CDS2: variants seen among roughly 807,000 people sequenced by gnomAD.
CDS2 encodes CDP-diacylglycerol synthase 2.
A neutral mutation model predicts 59.0 loss-of-function variants in CDS2; 47 were observed. That is an observed-to-expected ratio of 0.80 (90% CI 0.63 to 1.02). CDS2 has a LOEUF of 1.02. CDS2 is among the 50% of genes least tolerant of loss of function. CDS2 has a pLI of 0.00. For synonymous variants in CDS2, 207 were observed against 206.4 expected, an observed-to-expected ratio of 1.00 and a Z score of -0.02; for missense variants, 356 against 558.9, an observed-to-expected ratio of 0.64 and a Z score of 3.66.
chr20:5,189,979 G>A (rs2091100597), intron 12 of CDS2, 123 bp from the exon 13 acceptor site: 8 of 1,401,586 alleles, frequency 5.7e-6, no homozygotes, highest in Non-Finnish European at 6.9e-6. Context: ...GATTTTCTGA[G>A]GCCTCCTGTC....
chr20:5,149,844 T>A (rs558246140), intron 1 of CDS2, among the ~76,000 whole-genome samples: 4 of 152,068 alleles, frequency 2.6e-5, no homozygotes, highest in Non-Finnish European at 5.9e-5. Context: ...GCCTCCTGAG[T>A]AGCTGGGATT....
intron 1 of CDS2, among the ~76,000 whole-genome samples, chr20:5,146,555 A>G (rs570742783): frequency 6.6e-6 from 1 of 152,336 alleles, no homozygotes; most frequent in African/African-American, 2.4e-5. Flanking sequence ...CTTAGGTAAT[A>G]GGACCTAAGT....
intron 3 of CDS2, 97 bp downstream of exon 3, chr20:5,175,376 A>G (rs758440488): frequency 2.8e-5 from 26 of 938,638 alleles, no homozygotes; most frequent in Non-Finnish European, 4.3e-5. Flanking sequence ...GTGGGAATTG[A>G]CGGGGGTCCA....
chr20:5,131,126 TTGAA>T (rs1295921259), intron 1 of CDS2, among the ~76,000 whole-genome samples: 3 of 151,414 alleles, frequency 2.0e-5, no homozygotes. Flanking sequence ...TGGAGTAAAC[TTGAA>T]AGATTCCTCA....
chr20:5,183,744 G>A (rs975423396), intron 7 of CDS2, among the ~76,000 whole-genome samples: 19 of 152,204 alleles, frequency 1.2e-4, no homozygotes, highest in Non-Finnish European at 2.9e-5. Flanking sequence ...ATAGAATCTG[G>A]CAGTGTGTCA....
At position 5,189,623 on chromosome 20, in the gene CDS2, C is replaced by T. The variant is rs1269787734; in HGVS notation, c.1102-112C>T. 10 of 722,708 alleles carry T rather than the reference C, an allele frequency of 1.4e-5. No homozygotes were observed. In the Admixed American group the frequency reaches 1.9e-4, roughly 13 times the overall value. 44.8% of individuals were successfully genotyped at this position (722,708 alleles called of 1,614,324 possible). On this transcript the variant is annotated intron_variant, in intron 11 of 12. Transcript: ENST00000460006. The stretch of plus-strand genomic sequence containing the variant: ...CATTAGATTTCATACTTCTCACCTT[C>T]TATTGCCCTCAGCTACTCAGCACAG...
intron 1 of CDS2, among the ~76,000 whole-genome samples, chr20:5,145,411 A>G (rs1445682057): frequency 1.3e-5 from 2 of 152,076 alleles, no homozygotes; most frequent in East Asian, 3.9e-4. Context: ...GTCTGGGAAT[A>G]GAGCTTGTAA....
intron 1 of CDS2, among the ~76,000 whole-genome samples, chr20:5,151,839 G>A (rs181300988): frequency 1.7e-3 from 221 of 133,436 alleles, no homozygotes; most frequent in Middle Eastern, 0.01. Context: ...ATCTTGGCTC[G>A]CCACAACCTC....
At chr20:5,154,762 C>G (rs2123001552) in intron 1 of CDS2, among the ~76,000 whole-genome samples, 1 of 152,316 alleles carries the variant, frequency 6.6e-6, no homozygotes, top group East Asian at 1.9e-4. Flanking sequence ...ATCCTCCCAC[C>G]TCAACCTCCC....
chr20:5,149,465 C>T (rs2090771387), intron 1 of CDS2, among the ~76,000 whole-genome samples: 1 of 152,082 alleles, frequency 6.6e-6, no homozygotes, highest in Non-Finnish European at 1.5e-5. Flanking sequence ...ATTATTTTGG[C>T]TAAACCTATG....
intron 3 of CDS2, chr20:5,176,035 C>G (rs1337262487): frequency 6.5e-6 from 1 of 153,494 alleles, no homozygotes; most frequent in Non-Finnish European, 1.4e-5. Flanking sequence ...ATACTTGAGA[C>G]TTTTCAAGTA....
intron 7 of CDS2, 80 bp downstream of exon 7, chr20:5,183,223 C>G (rs1404076696): frequency 1.7e-6 from 2 of 1,187,388 alleles, no homozygotes; most frequent in African/African-American, 3.0e-5. Flanking sequence ...AGCCAGTGGC[C>G]CTCACCTTGA....
intron 1 of CDS2, among the ~76,000 whole-genome samples, chr20:5,144,634 C>T (rs17178759): frequency 0.025 from 3,827 of 152,254 alleles, 66 homozygotes; most frequent in East Asian, 0.08. Context: ...ATTTGAAATT[C>T]AACATGAAAC....
At chr20:5,164,776 A>C (rs2090901486) in intron 1 of CDS2, among the ~76,000 whole-genome samples, 1 of 152,176 alleles carries the variant, frequency 6.6e-6, no homozygotes, top group Non-Finnish European at 1.5e-5. Flanking sequence ...TCTTTCCCCT[A>C]ACCCTGGAAG....
At chr20:5,163,306 G>C (rs1322223603) in intron 1 of CDS2, among the ~76,000 whole-genome samples, 1 of 151,704 alleles carries the variant, frequency 6.6e-6, no homozygotes, top group Non-Finnish European at 1.5e-5. Context: ...TTGTTGCCCA[G>C]GCTGAAGTGC....
intron 5 of CDS2, among the ~76,000 whole-genome samples, chr20:5,180,453 CT>C (rs1047583367): frequency 1.4e-4 from 21 of 151,888 alleles, no homozygotes; most frequent in African/African-American, 4.8e-4. Context: ...TTCATGTTTC[CT>C]TTTTTTAGAT....
chr20:5,190,391 C>T lies in CDS2; in HGVS notation c.*157C>T. The T allele has an allele frequency of 9.1e-6, 6 of 657,188 alleles. No individual in the cohort carries two copies. The highest frequency in any genetic ancestry group is 1.5e-5 in the Non-Finnish European group (6 of 396,168). The allele number at this position is 657,188 out of a possible 1,614,324, so 40.7% of individuals were successfully genotyped here. On this transcript the variant is annotated 3_prime_UTR_variant, in exon 13 of 13. Coordinates refer to ENST00000460006, the MANE Select transcript of CDS2 (RefSeq NM_003818.4). The stretch of plus-strand genomic sequence containing the variant: ...TTTTTTATTTGTGGGTTCAAAAAAT[C>T]TGTATATACAGTCTATGTGTTTAGA...
At chr20:5,127,279 T>G (rs2122928778) in intron 1 of CDS2, 130 bp downstream of exon 1, 1 of 815,666 alleles carries the variant, frequency 1.2e-6, no homozygotes, top group South Asian at 2.8e-5. Flanking sequence ...CGGGCCCGGG[T>G]AGCGCGAAGG....
At chr20:5,157,507 G>T (rs140520685) in intron 1 of CDS2, among the ~76,000 whole-genome samples, 1 of 152,172 alleles carries the variant, frequency 6.6e-6, no homozygotes, top group African/African-American at 2.4e-5. Context: ...GGGAAAGAGA[G>T]GCCATGTCTC....
Sources: gnomAD v4.1 joint callset for allele counts (sites outside exome capture counted in the v4.1 genomes callset) on GRCh38, gnomAD v4.1.1 for gene constraint, MANE v1.5 for transcripts, NCBI Gene and HGNC (gene_info 2026-07-23, HGNC 2026-07-21) for gene names.